Variants in KCNQ1 observed in about 807,000 individuals in gnomAD.
The protein encoded by KCNQ1 is potassium voltage-gated channel subfamily KQT member 1.
Under a neutral mutation model 72.4 loss-of-function variants are expected in KCNQ1, and 49 were observed. That is an observed-to-expected ratio of 0.68 (90% CI 0.54 to 0.86). KCNQ1 has a LOEUF of 0.86. KCNQ1 is among the 40% of genes least tolerant of loss of function. The pLI, the probability that KCNQ1 is intolerant of heterozygous loss-of-function variation, is 0.00. For synonymous variants in KCNQ1, 450 were observed against 412.6 expected (o/e 1.09, Z -1.10); for missense variants, 790 against 945.1 (o/e 0.84, Z 2.15).
rs137966006 is a variant in KCNQ1, at chr11:2,648,881, A to C, written c.1394-13080A>C. On this transcript the variant is annotated intron_variant, in intron 10 of 15. Coordinates refer to ENST00000155840, the MANE Select transcript of KCNQ1 (RefSeq NM_000218.3). The stretch of plus-strand genomic sequence containing the variant: ...TAATATTTGTTTAATATACCTGGGT[A>C]CTCCAGTGTTGTTGGTTGCATATAT... 6 of 397,214 alleles carry C rather than the reference A, an allele frequency of 1.5e-5. No individual in the cohort carries two copies. In the South Asian group the frequency reaches 7.7e-4, roughly 51 times the overall value. 24.6% of individuals were successfully genotyped at this position (397,214 alleles called of 1,614,324 possible).
chr11:2,734,959 G>A lies in KCNQ1; in HGVS notation c.1515-33885G>A, dbSNP rs1034715309. Among the ~76,000 whole-genome samples, 11 of 152,142 alleles carry A rather than the reference G, an allele frequency of 7.2e-5. No homozygotes were observed. In the South Asian group the frequency reaches 1.7e-3, roughly 23 times the overall value. On this transcript the variant is annotated intron_variant, in intron 11 of 15. Transcript: ENST00000155840. The surrounding 1 kb of genome is among the most constrained non-coding windows in gnomAD (Gnocchi z 7.0). ...TGTTCCAGTGCGACACATGTGCCCC[G>A]GAGTGGCCGCGTGCCCAGCCGGCTG... is the stretch of plus-strand genomic sequence containing the variant.
intron 11 of KCNQ1, chr11:2,665,601 G>A: frequency 5.0e-6 from 2 of 396,738 alleles, no homozygotes; most frequent in Admixed American, 8.9e-5. Flanking sequence ...AAACCCCCCA[G>A]GACACACTTA....
At position 2,543,429 on chromosome 11, in the gene KCNQ1, A is replaced by G. The variant is rs991048606; in HGVS notation, c.477+15411A>G. On this transcript the variant is annotated intron_variant, in intron 2 of 15. Transcript: ENST00000155840. The surrounding 1 kb of genome is among the most constrained non-coding windows in gnomAD (Gnocchi z 5.6). ...GCTGGGACTATAGGCATGTGCCACCACAGGTGCTAACTTTTTAAAGTTCTT... is the reference window on the plus strand; with the variant it reads ...GCTGGGACTATAGGCATGTGCCACCGCAGGTGCTAACTTTTTAAAGTTCTT... 6.6e-6 allele frequency among the ~76,000 whole-genome samples: 1 copy of G among 152,056 alleles called. No homozygotes were observed. Among genetic ancestry groups the G allele is most frequent in the Non-Finnish European group, 1.5e-5 (1 of 68,002 alleles).
In KCNQ1 at chr11:2,472,303, G is replaced by T. The variant is rs540671301; in HGVS notation, c.386+26819G>T. ...TGTATAGGTGTGTGTTTTATGTGTG[G>T]GTGTGTGTGCACCTTTGTGTGTATA... On this transcript the variant is annotated intron_variant, in intron 1 of 15. Transcript: ENST00000155840. Among the ~76,000 whole-genome samples the T allele has an allele frequency of 8.6e-5, 13 of 151,526 alleles. No homozygotes were observed. The South Asian group carries it at 1.7e-3, about 19-fold the overall frequency.
chr11:2,825,518 T>C (rs766573402), intron 15 of KCNQ1, among the ~76,000 whole-genome samples: 3 of 152,210 alleles, frequency 2.0e-5, no homozygotes, highest in Non-Finnish European at 4.4e-5. Flanking sequence ...GCCCCGCCCA[T>C]GTGCCTGGAA....
At position 2,595,016 on chromosome 11, in the gene KCNQ1, C is replaced by T. The variant is rs1244677616; in HGVS notation, c.1393+6162C>T. 2.0e-5 allele frequency among the ~76,000 whole-genome samples: 3 copies of T among 152,138 alleles called. No individual in the cohort carries two copies. Among genetic ancestry groups the T allele is most frequent in the Non-Finnish European group, 2.9e-5 (2 of 68,028 alleles). ...AAGGTACATGCCTCTGGAGAAGCTG[C>T]ACTTTTGCTTGTACAGGGTGACCCA... On this transcript the variant is annotated intron_variant, in intron 10 of 15. Coordinates refer to ENST00000155840, the MANE Select transcript of KCNQ1 (RefSeq NM_000218.3). The surrounding 1 kb of genome is among the most constrained non-coding windows in gnomAD (Gnocchi z 5.0).
intron 1 of KCNQ1, chr11:2,461,512 A>G: frequency 7.5e-7 from 1 of 1,327,396 alleles, no homozygotes; most frequent in Non-Finnish European, 9.9e-7. Flanking sequence ...TTGCGCCTGC[A>G]CATGTGTGTG....
chr11:2,516,961 G>A lies in KCNQ1; in HGVS notation c.387-10967G>A, dbSNP rs1184850081. 6.6e-6 allele frequency among the ~76,000 whole-genome samples: 1 copy of A among 152,150 alleles called. No individual in the cohort carries two copies. Among genetic ancestry groups the A allele is most frequent in the African/African-American group, 2.4e-5 (1 of 41,450 alleles). ...GTCCCCCAGCACCTGTCCCTCTAGGGCCTCTGAAGGGCTTTGACGTGACAC... is the reference window on the plus strand; with the variant it reads ...GTCCCCCAGCACCTGTCCCTCTAGGACCTCTGAAGGGCTTTGACGTGACAC... On this transcript the variant is annotated intron_variant, in intron 1 of 15. Coordinates refer to ENST00000155840, the MANE Select transcript of KCNQ1 (RefSeq NM_000218.3). The surrounding 1 kb of genome is among the most constrained non-coding windows in gnomAD (Gnocchi z 7.0).
At chr11:2,465,455 G>GCC (rs1846338700) in intron 1 of KCNQ1, among the ~76,000 whole-genome samples, 1 of 152,228 alleles carries the variant, frequency 6.6e-6, no homozygotes. Context: ...AGGAACCACG[G>GCC]CCCCCACCAG....
rs113693893 is a variant in KCNQ1, at chr11:2,564,453, G to A, written c.478-6175G>A. 2.3e-3 allele frequency among the ~76,000 whole-genome samples: 343 copies of A among 152,214 alleles called. 1 individual carries two copies. Among genetic ancestry groups the A allele is most frequent in the African/African-American group, 7.4e-3 (309 of 41,534 alleles). On this transcript the variant is annotated intron_variant, in intron 2 of 15. Transcript: ENST00000155840. The surrounding 1 kb of genome is among the most constrained non-coding windows in gnomAD (Gnocchi z 4.5). ...TACTAATAATACAAAAAGATTAGCC[G>A]GGTGTGGTGGTGGGTGCCTCTAATC...
rs1011276301 is a variant in KCNQ1, at chr11:2,482,863, G to T, written c.386+37379G>T. Among the ~76,000 whole-genome samples, 4 of 152,192 alleles carry T rather than the reference G, an allele frequency of 2.6e-5. No homozygotes were observed. Among genetic ancestry groups the T allele is most frequent in the African/African-American group, 9.7e-5 (4 of 41,434 alleles). ...TCATCTAGGTTGTTGGGGAAACCAG[G>T]AGTGAGTGGAGCACGAGGGTCACCC... On this transcript the variant is annotated intron_variant, in intron 1 of 15. Coordinates refer to ENST00000155840, the MANE Select transcript of KCNQ1 (RefSeq NM_000218.3). The surrounding 1 kb of genome is among the most constrained non-coding windows in gnomAD (Gnocchi z 5.7).
intron 3 of KCNQ1, 36 bp downstream of exon 3, chr11:2,570,790 GTT>G: frequency 1.2e-6 from 2 of 1,606,076 alleles, no homozygotes; most frequent in Non-Finnish European, 8.5e-7. Flanking sequence ...TCACGCCCAG[GTT>G]TCCAGACCAG....
chr11:2,753,314 G>A (rs1262748177), intron 11 of KCNQ1, among the ~76,000 whole-genome samples: 1 of 152,164 alleles, frequency 6.6e-6, no homozygotes, highest in Non-Finnish European at 1.5e-5. Context: ...AGCCCAAATA[G>A]GGAGTTCAGA....
chr11:2,788,872 G>A (rs1846963179), intron 15 of KCNQ1, among the ~76,000 whole-genome samples: 1 of 152,174 alleles, frequency 6.6e-6, no homozygotes, highest in Non-Finnish European at 1.5e-5. Flanking sequence ...CCCTGTTCCT[G>A]CACAGGGGTG....
chr11:2,810,212 A>T (rs1308457932), intron 15 of KCNQ1, among the ~76,000 whole-genome samples: 1 of 152,182 alleles, frequency 6.6e-6, no homozygotes, highest in Non-Finnish European at 1.5e-5. Flanking sequence ...TTTAGTATCT[A>T]CCATCTGGAC....
intron 1 of KCNQ1, among the ~76,000 whole-genome samples, chr11:2,499,840 T>A (rs776407951): frequency 6.6e-5 from 10 of 152,198 alleles, no homozygotes; most frequent in Non-Finnish European, 1.5e-4. Context: ...TACAGGACAT[T>A]TCATCCAGCA....
At chr11:2,675,636 G>A (rs914117780) in intron 11 of KCNQ1, 7 of 398,518 alleles carry the variant, frequency 1.8e-5, no homozygotes, top group African/African-American at 4.1e-5. Flanking sequence ...TTATTAGAGG[G>A]TGGTTGGGCT....
intron 15 of KCNQ1, among the ~76,000 whole-genome samples, chr11:2,804,155 A>G (rs1345381831): frequency 6.6e-6 from 1 of 152,078 alleles, no homozygotes; most frequent in African/African-American, 2.4e-5. Context: ...AGAGGCAGCA[A>G]TATTCACAGG....
At chr11:2,448,513 C>T (rs1315710444) in intron 1 of KCNQ1, among the ~76,000 whole-genome samples, 1 of 152,246 alleles carries the variant, frequency 6.6e-6, no homozygotes, top group African/African-American at 2.4e-5. Flanking sequence ...TTGTGGACTC[C>T]AGTGCCCTCC....
Sources: allele counts gnomAD v4.1 joint callset (sites outside exome capture counted in the v4.1 genomes callset), GRCh38; gene constraint gnomAD v4.1.1; non-coding constraint Gnocchi (gnomAD v3.1); transcripts MANE v1.5; gene names NCBI Gene and HGNC (gene_info 2026-07-23, HGNC 2026-07-21).